MAGI2: variants seen among roughly 807,000 people sequenced by gnomAD.
MAGI2 encodes the protein membrane-associated guanylate kinase, WW and PDZ domain-containing protein 2.
In MAGI2, 35 loss-of-function variants were observed where a neutral mutation model predicts 133.3. The observed-to-expected ratio is 0.26, with a 90% confidence interval of 0.20 to 0.35. The LOEUF is 0.35. MAGI2 is among the 10% of genes least tolerant of loss of function. The pLI is 1.00. For missense variants in MAGI2, 1,636 were observed against 1,863.4 expected, an observed-to-expected ratio of 0.88 and a Z score of 2.25; for synonymous variants, 729 against 710.6, an observed-to-expected ratio of 1.03 and a Z score of -0.41.
chr7:79,253,515 C>T (rs1294894720), intron 1 of MAGI2, among the ~76,000 whole-genome samples: 3 of 151,964 alleles, frequency 2.0e-5, no homozygotes, highest in African/African-American at 4.8e-5. Context: ...TGGTAGCACA[C>T]ACCTGTGGTC....
intron 1 of MAGI2, among the ~76,000 whole-genome samples, chr7:79,196,373 C>G (rs1305696467): frequency 6.6e-6 from 1 of 151,784 alleles, no homozygotes; most frequent in South Asian, 2.1e-4. Flanking sequence ...GGCACCTTGC[C>G]CCTCTCTGAT....
At chr7:78,518,143 C>T (rs1028647854) in intron 4 of MAGI2, 6 of 151,976 alleles carry the variant, frequency 3.9e-5, no homozygotes, top group Non-Finnish European at 7.4e-5. Flanking sequence ...ATTTTAAAAA[C>T]TAGGAATTTT....
intron 1 of MAGI2, among the ~76,000 whole-genome samples, chr7:79,112,614 T>C (rs772307526): frequency 1.3e-5 from 2 of 152,234 alleles, no homozygotes; most frequent in Admixed American, 6.5e-5. Flanking sequence ...CTTCTTACCA[T>C]CTATGTCACA....
At chr7:78,979,253 C>A (rs139826395) in intron 2 of MAGI2, among the ~76,000 whole-genome samples, 1 of 151,684 alleles carries the variant, frequency 6.6e-6, no homozygotes, top group African/African-American at 2.4e-5. Flanking sequence ...TAAAAGGAAC[C>A]AGGACCCTTT....
intron 2 of MAGI2, among the ~76,000 whole-genome samples, chr7:78,848,265 G>C (rs1287519227): frequency 1.3e-5 from 2 of 151,802 alleles, no homozygotes; most frequent in Non-Finnish European, 2.9e-5. Flanking sequence ...CGTCCACCTA[G>C]TTGCTCAAGT....
intron 1 of MAGI2, among the ~76,000 whole-genome samples, chr7:79,034,738 A>G (rs1037537792): frequency 2.6e-5 from 4 of 152,160 alleles, no homozygotes; most frequent in Non-Finnish European, 5.9e-5. Context: ...GAAAAATCCA[A>G]TACTGACCAT....
At chr7:78,836,627 AT>A (rs1791639696) in intron 2 of MAGI2, among the ~76,000 whole-genome samples, 1 of 152,158 alleles carries the variant, frequency 6.6e-6, no homozygotes, top group Admixed American at 6.6e-5. Flanking sequence ...AGAAATCACC[AT>A]TTGTTTTACA....
At chr7:78,232,434 C>T (rs545980577) in intron 10 of MAGI2, among the ~76,000 whole-genome samples, 1 of 152,260 alleles carries the variant, frequency 6.6e-6, no homozygotes, top group South Asian at 2.1e-4. Context: ...GTGAGCAAGG[C>T]TATTTGGGGA....
At chr7:78,715,755 T>TA (rs1191811188) in intron 2 of MAGI2, among the ~76,000 whole-genome samples, 1 of 115,236 alleles carries the variant, frequency 8.7e-6, no homozygotes, top group Admixed American at 8.6e-5. Context: ...TTTTAGATAA[T>TA]AAGATAGTTT....
chr7:78,661,324 T>C (rs1331718366), intron 2 of MAGI2, among the ~76,000 whole-genome samples: 3 of 152,180 alleles, frequency 2.0e-5, no homozygotes, highest in Non-Finnish European at 1.5e-5. Flanking sequence ...CTTTAAACCA[T>C]ACTGATGATA....
chr7:78,968,105 A>G (rs1233423473), intron 2 of MAGI2, among the ~76,000 whole-genome samples: 2 of 152,162 alleles, frequency 1.3e-5, no homozygotes, highest in Non-Finnish European at 2.9e-5. Context: ...TGCTGGGATT[A>G]CAGGCGTGAG....
rs373519616 is a variant in MAGI2 at position 79,452,975 on chromosome 7, C to T, written c.301+45G>A. 2.7e-6 allele frequency: 4 copies of T among 1,505,544 alleles called. No individual in the cohort carries two copies. In the African/African-American group the frequency reaches 5.6e-5, roughly 21 times the overall value. 93.3% of individuals were successfully genotyped at this position (1,505,544 alleles called of 1,614,324 possible). A position where few individuals can be genotyped will look rare whatever the true frequency, so the allele number is the denominator to read the frequency against. On this transcript the variant is annotated intron_variant, in intron 1 of 21. Transcript: ENST00000354212. ...CCCTTTCATTGCCCTGCGCCCCGAGCGGTCCCACCGCCCGGCAAAACACTG... is the reference window on the plus strand; with the variant it reads ...CCCTTTCATTGCCCTGCGCCCCGAGTGGTCCCACCGCCCGGCAAAACACTG...
chr7:78,449,940 A>G (rs889614280), intron 6 of MAGI2, among the ~76,000 whole-genome samples: 2 of 152,142 alleles, frequency 1.3e-5, no homozygotes, highest in Admixed American at 1.3e-4. Context: ...CAGGCTTTCG[A>G]TAACACTGTC....
intron 1 of MAGI2, among the ~76,000 whole-genome samples, chr7:79,406,533 C>A (rs1277584988): frequency 6.6e-6 from 1 of 152,072 alleles, no homozygotes; most frequent in Non-Finnish European, 1.5e-5. Context: ...AGAAAAGAAT[C>A]TCTTCAAAGG....
intron 12 of MAGI2, among the ~76,000 whole-genome samples, chr7:78,193,333 T>C (rs1828414894): frequency 6.6e-6 from 1 of 152,172 alleles, no homozygotes; most frequent in Non-Finnish European, 1.5e-5. Context: ...GAGGTGAGGA[T>C]GATATTTTAA....
At chr7:78,692,118 A>G (rs988091966) in intron 2 of MAGI2, among the ~76,000 whole-genome samples, 1 of 152,210 alleles carries the variant, frequency 6.6e-6, no homozygotes, top group Non-Finnish European at 1.5e-5. Flanking sequence ...TGAAGAGCTG[A>G]AAGTTAAAGA....
intron 7 of MAGI2, chr7:78,358,221 A>G (rs1200509631): frequency 1.6e-5 from 2 of 123,248 alleles, no homozygotes; most frequent in Non-Finnish European, 3.4e-5. Flanking sequence ...ATATATATAT[A>G]TATATATATG....
intron 15 of MAGI2, 29 bp downstream of exon 15, chr7:78,167,887 G>A (rs770426041): frequency 6.9e-6 from 11 of 1,591,166 alleles, no homozygotes; most frequent in South Asian, 1.1e-5. Context: ...CCTAACCCTC[G>A]ATTCCTGCAG....
chr7:79,047,814 C>T lies in MAGI2; in HGVS notation c.302-40608G>A, dbSNP rs532162542. Among the ~76,000 whole-genome samples, 8 of 152,144 alleles carry T rather than the reference C, an allele frequency of 5.3e-5. No individual in the cohort carries two copies. In the South Asian group the frequency reaches 1.7e-3, roughly 32 times the overall value. On this transcript the variant is annotated intron_variant, in intron 1 of 21. Coordinates refer to ENST00000354212, the MANE Select transcript of MAGI2 (RefSeq NM_012301.4). ...TCATTCATTAAACAATATCTTAATA[C>T]CCTTTCCAAATTTTAGGGGACATTG...
Sources: allele counts gnomAD v4.1 joint callset (sites outside exome capture counted in the v4.1 genomes callset), GRCh38; gene constraint gnomAD v4.1.1; transcripts MANE v1.5; gene names NCBI Gene and HGNC (gene_info 2026-07-23, HGNC 2026-07-21).